ATP11B: variants seen among roughly 807,000 people sequenced by gnomAD.
ATP11B encodes phospholipid-transporting ATPase IF.
ATP11B carries 81 observed loss-of-function variants against 157.8 expected under a neutral mutation model. That is an observed-to-expected ratio of 0.51 (90% CI 0.43 to 0.62). ATP11B has a LOEUF of 0.62. Among genes scored for constraint, ATP11B ranks in the 20% least tolerant of loss-of-function variants. The probability of loss-of-function intolerance (pLI) is 0.00; values close to 1 mark genes in which losing one functional copy is unlikely to be tolerated. For missense variants in ATP11B, 1,165 were observed against 1,402.2 expected (o/e 0.83, Z 2.70); for synonymous variants, 451 against 469.4 (o/e 0.96, Z 0.51).
At chr3:182,853,079 A>G (rs1720101665) in intron 10 of ATP11B, among the ~76,000 whole-genome samples, 1 of 152,254 alleles carries the variant, frequency 6.6e-6, no homozygotes, top group Non-Finnish European at 1.5e-5. Context: ...CATAAGTACT[A>G]GAAAGCACGA....
intron 21 of ATP11B, among the ~76,000 whole-genome samples, chr3:182,882,013 A>C (rs567639425): frequency 2.0e-5 from 3 of 152,314 alleles, no homozygotes; most frequent in African/African-American, 7.2e-5. Context: ...GAATTTATTA[A>C]TCCTTTCCTT....
At chr3:182,842,159 TG>T (rs1560079482) in intron 8 of ATP11B, 37 bp downstream of exon 8, 1 of 1,466,550 alleles carries the variant, frequency 6.8e-7, no homozygotes, top group Non-Finnish European at 9.5e-7. Flanking sequence ...TACCTTTAAA[TG>T]GGAACTGTTT....
chr3:182,869,541 T>C (rs1721495902), intron 17 of ATP11B, among the ~76,000 whole-genome samples: 1 of 152,224 alleles, frequency 6.6e-6, no homozygotes, highest in African/African-American at 2.4e-5. Context: ...TCGGGGCATT[T>C]CTGGTTACAA....
chr3:182,848,847 A>G (rs1719744406), intron 10 of ATP11B, among the ~76,000 whole-genome samples: 1 of 152,204 alleles, frequency 6.6e-6, no homozygotes, highest in African/African-American at 2.4e-5. Flanking sequence ...AAATTTAAAT[A>G]AACAACTATT....
intron 1 of ATP11B, among the ~76,000 whole-genome samples, chr3:182,818,923 A>C (rs989884042): frequency 6.6e-6 from 1 of 151,048 alleles, no homozygotes; most frequent in African/African-American, 2.4e-5. Context: ...ATGTAAAAAA[A>C]AAAAAAAAGA....
chr3:182,870,807 A>G (rs1721602193), intron 17 of ATP11B, among the ~76,000 whole-genome samples: 1 of 151,892 alleles, frequency 6.6e-6, no homozygotes, highest in Non-Finnish European at 1.5e-5. Flanking sequence ...CCCCACCAGT[A>G]GTCCCAGCTA....
In ATP11B at chr3:182,890,402, T is replaced by G. The variant is rs949748412; in HGVS notation, c.2982+854T>G. On this transcript the variant is annotated intron_variant, in intron 25 of 29. Transcript: ENST00000323116. ...AAAGTTTTATCTGCTCAACAGATCTTTATTGAAGGCCAGCTATTCCCAAGT... is the reference window on the plus strand; with the variant it reads ...AAAGTTTTATCTGCTCAACAGATCTGTATTGAAGGCCAGCTATTCCCAAGT... Among the ~76,000 whole-genome samples the G allele has an allele frequency of 2.6e-5, 4 of 152,210 alleles. 1 individual carries two copies. Among genetic ancestry groups the G allele is most frequent in the South Asian group, 2.1e-4 (1 of 4,836 alleles).
chr3:182,803,217 A>C (rs1716119041), intron 1 of ATP11B, among the ~76,000 whole-genome samples: 1 of 152,158 alleles, frequency 6.6e-6, no homozygotes, highest in Non-Finnish European at 1.5e-5. Context: ...CTTGCTCAAC[A>C]CTTTGTACTG....
rs187838521 is a variant in ATP11B at position 182,884,102 on chromosome 3, A to G, written c.2510-651A>G. Among the ~76,000 whole-genome samples the G allele has an allele frequency of 4.4e-3, 671 of 152,048 alleles. 2 individuals are homozygous for G. The highest frequency in any genetic ancestry group is 8.8e-3 in the Admixed American group (135 of 15,296). ...TTTAGTTTTGAAAAATAATTTTTTT[A>G]AGTTGCTTCTAGATTGAAAATAAAA... is the stretch of plus-strand genomic sequence containing the variant. On this transcript the variant is annotated intron_variant, in intron 21 of 29. Coordinates refer to ENST00000323116, the MANE Select transcript of ATP11B (RefSeq NM_014616.3).
chr3:182,883,375 A>G (rs1390527724), intron 21 of ATP11B, among the ~76,000 whole-genome samples: 1 of 151,612 alleles, frequency 6.6e-6, no homozygotes, highest in Non-Finnish European at 1.5e-5. Context: ...CTCCTACCTC[A>G]GCCTCCCAAG....
chr3:182,835,401 A>G (rs1439525260), intron 4 of ATP11B, among the ~76,000 whole-genome samples: 1 of 152,194 alleles, frequency 6.6e-6, no homozygotes, highest in African/African-American at 2.4e-5. Context: ...TCATTTGTAC[A>G]TAGAAACAAT....
At chr3:182,902,216 A>G (rs1010329067) in intron 28 of ATP11B, among the ~76,000 whole-genome samples, 3 of 152,256 alleles carry the variant, frequency 2.0e-5, no homozygotes, top group Non-Finnish European at 2.9e-5. Flanking sequence ...AGGAAAAACC[A>G]TATCAAAGGA....
At chr3:182,847,380 TTAA>T (rs1297243391) in intron 9 of ATP11B, among the ~76,000 whole-genome samples, 1 of 152,038 alleles carries the variant, frequency 6.6e-6, no homozygotes, top group African/African-American at 2.4e-5. Context: ...CCTGTTTACT[TTAA>T]AGTAAACCAT....
Position 182,866,273 on chromosome 3 carries a change from A to G in ATP11B, c.1449A>G (p.Lys483=), listed in dbSNP as rs1560098557. The G allele has an allele frequency of 1.3e-6, 2 of 1,559,550 alleles. No homozygotes were observed. The highest frequency in any genetic ancestry group is 4.7e-5 in the East Asian group (2 of 43,000). ...TATTAATTACATTTTTACAGATTAA[A>G]GAACATGATCTCTTCTTTAAAGCAG... is the stretch of plus-strand genomic sequence containing the variant. ...TSPENETELI[K]EHDLFFKAVS... is the part of the protein sequence containing the mutation. The change falls in exon 14 of 30, where the codon AAA becomes AAG. Residue 483 remains lysine, a synonymous_variant. Coordinates refer to ENST00000323116, the MANE Select transcript of ATP11B (RefSeq NM_014616.3).
intron 13 of ATP11B, 51 bp downstream of exon 13, chr3:182,865,749 T>C: frequency 6.9e-7 from 1 of 1,458,770 alleles, no homozygotes; most frequent in Non-Finnish European, 9.3e-7. Context: ...AATAATTCTC[T>C]TCAGTAGTTG....
intron 8 of ATP11B, among the ~76,000 whole-genome samples, chr3:182,844,873 C>T (rs1170604121): frequency 6.6e-6 from 1 of 151,282 alleles, no homozygotes; most frequent in Non-Finnish European, 1.5e-5. Context: ...AATTTTGAAA[C>T]TAGTGGCTTT....
chr3:182,915,853 T>C (rs1481258522), intron 29 of ATP11B: 23 of 972,266 alleles, frequency 2.4e-5, no homozygotes, highest in Non-Finnish European at 2.7e-5. Flanking sequence ...TTGCGCCATA[T>C]TGTTTTTTTC....
chr3:182,833,703 A>G (rs1263862494), intron 4 of ATP11B: 2 of 152,316 alleles, frequency 1.3e-5, no homozygotes, highest in East Asian at 3.9e-4. Context: ...TCTCCAAGAA[A>G]AGAATTGCCA....
At chr3:182,832,623 G>C (rs536190036) in intron 4 of ATP11B, among the ~76,000 whole-genome samples, 6 of 152,164 alleles carry the variant, frequency 3.9e-5, no homozygotes, top group South Asian at 4.2e-4. Flanking sequence ...ATAGGAAAAG[G>C]CTCCATTATC....
Sources: allele counts gnomAD v4.1 joint callset (sites outside exome capture counted in the v4.1 genomes callset), GRCh38; gene constraint gnomAD v4.1.1; transcripts MANE v1.5; gene names NCBI Gene and HGNC (gene_info 2026-07-23, HGNC 2026-07-21).